The following ITPR3 variants were observed in gnomAD, a reference collection of about 807,000 sequenced individuals.
ITPR3 encodes inositol 1,4,5-trisphosphate-gated calcium channel ITPR3.
Under a neutral mutation model 293.2 loss-of-function variants are expected in ITPR3, and 173 were observed. The ratio of observed to expected loss-of-function variants is 0.59; its 90% CI spans 0.52 to 0.67. The LOEUF (loss-of-function observed/expected upper bound fraction) is 0.67. Among genes scored for constraint, ITPR3 ranks in the 30% least tolerant of loss-of-function variants. The pLI, the probability that ITPR3 is intolerant of heterozygous loss-of-function variation, is 0.00. For synonymous variants in ITPR3, 1,295 were observed against 1,444.4 expected (o/e 0.90, Z 2.35); for missense variants, 2,796 against 3,592.1 (o/e 0.78, Z 5.66).
chr6:33,682,737 A>G lies in ITPR3; in HGVS notation c.4597+93A>G. 1 of 1,452,490 alleles carries G rather than the reference A, an allele frequency of 6.9e-7. No homozygotes were observed. The highest frequency in any genetic ancestry group is 1.5e-5 in the African/African-American group (1 of 67,302). 90.0% of individuals were successfully genotyped at this position (1,452,490 alleles called of 1,614,324 possible). On this transcript the variant is annotated intron_variant, in intron 34 of 57. Coordinates refer to ENST00000605930, the MANE Select transcript of ITPR3 (RefSeq NM_002224.4). The surrounding 1 kb of genome is among the most constrained non-coding windows in gnomAD (Gnocchi z 5.4). The stretch of plus-strand genomic sequence containing the variant: ...CCTCCTAATAAACACTTTATCCCTA[A>G]GCTCGCCCATCTCCTGCTCCCAGGT...
chr6:33,689,257 C>T lies in ITPR3; in HGVS notation c.6714C>T (p.Leu2238=), dbSNP rs1241101856. Residue 2238 remains leucine (L), a synonymous_variant, in exon 50 of 58, where the codon CTC becomes CTT. Transcript: ENST00000605930. ...CCCCAGGCGTGCTGGACTCCCCTCT[C>T]ATCTCATTGCTCTTCTGGATCCTCA... ...GASTGVLDSP[L]ISLLFWILIC... 2.5e-6 allele frequency: 4 copies of T among 1,610,798 alleles called. No individual in the cohort carries two copies. The highest frequency in any genetic ancestry group is 2.2e-5 in the East Asian group (1 of 44,868).
In ITPR3 at chr6:33,683,369, A is replaced by AC. The variant is rs1765134347; in HGVS notation, c.4761dup (p.Tyr1588LeufsTer6). 7 of 1,589,718 alleles carry AC rather than the reference A, an allele frequency of 4.4e-6. No individual in the cohort carries two copies. Among genetic ancestry groups the AC allele is most frequent in the Non-Finnish European group, 6.0e-6 (7 of 1,167,286 alleles). ...GTCACCCCCACCGCCAACCAGTGGG[A>AC]CTACAAGAACATCATTGAGAAGCTG... On this transcript the variant is annotated frameshift_variant, in exon 35 of 58. Coordinates refer to ENST00000605930, the MANE Select transcript of ITPR3 (RefSeq NM_002224.4). LOFTEE classifies it high-confidence loss of function. The surrounding 1 kb of genome is among the most constrained non-coding windows in gnomAD (Gnocchi z 4.5).
intron 7 of ITPR3, 140 bp downstream of exon 7, chr6:33,659,689 C>T: frequency 1.5e-6 from 1 of 673,548 alleles, no homozygotes. Context: ...CCCTCCACCT[C>T]CACAGGGCCC....
chr6:33,630,274 C>T (rs960871800), intron 1 of ITPR3, among the ~76,000 whole-genome samples: 8 of 152,164 alleles, frequency 5.3e-5, no homozygotes, highest in Non-Finnish European at 1.0e-4. Context: ...TTTGTCAGGG[C>T]TGCCTTTGTT....
chr6:33,681,065 C>T (rs1765062838), intron 33 of ITPR3, among the ~76,000 whole-genome samples: 1 of 152,152 alleles, frequency 6.6e-6, no homozygotes, highest in South Asian at 2.1e-4. Flanking sequence ...ATGATCCGCC[C>T]ACCTCGGCTT....
chr6:33,694,842 T>TC (rs558443045), intron 56 of ITPR3, 82 bp from the exon 57 acceptor site: 1 of 1,546,922 alleles, frequency 6.5e-7, no homozygotes, highest in Non-Finnish European at 8.9e-7. Flanking sequence ...GGCAGAAGCC[T>TC]CCCCCCACAT....
intron 13 of ITPR3, 99 bp downstream of exon 13, chr6:33,665,312 G>T: frequency 6.8e-7 from 1 of 1,480,578 alleles, no homozygotes; most frequent in Non-Finnish European, 9.1e-7. Flanking sequence ...TGGGCAAACT[G>T]GGGAGAGAGT....
chr6:33,687,121 G>A lies in ITPR3; in HGVS notation c.6075+17G>A, dbSNP rs756177008. The stretch of plus-strand genomic sequence containing the variant: ...CAGGAGCTGGTGAGGCTGGGCAGGT[G>A]GGCAGGCGGGCGGAACCAGGTGGAG... On this transcript the variant is annotated intron_variant, in intron 44 of 57. Coordinates refer to ENST00000605930, the MANE Select transcript of ITPR3 (RefSeq NM_002224.4). The surrounding 1 kb of genome is among the most constrained non-coding windows in gnomAD (Gnocchi z 5.3). 8.1e-6 allele frequency: 13 copies of A among 1,612,304 alleles called. No homozygotes were observed. The highest frequency in any genetic ancestry group is 2.2e-5 in the East Asian group (1 of 44,864).
Position 33,691,749 on chromosome 6 carries a change from G to C in ITPR3, c.7330+30G>C. The C allele has an allele frequency of 1.9e-6, 3 of 1,611,500 alleles. No individual in the cohort carries two copies. Among genetic ancestry groups the C allele is most frequent in the Non-Finnish European group, 2.5e-6 (3 of 1,179,112 alleles). The stretch of plus-strand genomic sequence containing the variant: ...GGGTGGTGTGTGTGCAGGAGTCTGT[G>C]TGGGGTAGGAGGAGCAGGCAGCCCG... On this transcript the variant is annotated intron_variant, in intron 53 of 57. Coordinates refer to ENST00000605930, the MANE Select transcript of ITPR3 (RefSeq NM_002224.4). The surrounding 1 kb of genome is among the most constrained non-coding windows in gnomAD (Gnocchi z 4.9).
At chr6:33,636,285 G>C (rs1009158829) in intron 1 of ITPR3, among the ~76,000 whole-genome samples, 1 of 151,970 alleles carries the variant, frequency 6.6e-6, no homozygotes, top group Non-Finnish European at 1.5e-5. Flanking sequence ...CCGGGTGACA[G>C]AGTAAGACTC....
chr6:33,687,858 G>A lies in ITPR3; in HGVS notation c.6265-199G>A, dbSNP rs982113446. ...CTATCCTCTGGGATTCTCTGGTCATGGCTCTCCCACTCCCCTCCCTTTGGC... is the reference window on the plus strand; with the variant it reads ...CTATCCTCTGGGATTCTCTGGTCATAGCTCTCCCACTCCCCTCCCTTTGGC... On this transcript the variant is annotated intron_variant, in intron 46 of 57. Transcript: ENST00000605930. This position sits in a 1 kb window ranked among gnomAD's most constrained non-coding sequence, Gnocchi z 5.3. Among the ~76,000 whole-genome samples the A allele has an allele frequency of 6.6e-6, 1 of 152,102 alleles. No individual in the cohort carries two copies. Among genetic ancestry groups the A allele is most frequent in the African/African-American group, 2.4e-5 (1 of 41,424 alleles).
chr6:33,664,927 T>C lies in ITPR3; in HGVS notation c.1206T>C (p.Asn402=). The C allele has an allele frequency of 6.2e-7, 1 of 1,609,672 alleles. No individual in the cohort carries two copies. The highest frequency in any genetic ancestry group is 1.1e-5 in the South Asian group (1 of 90,896). ...CCAACACGTGGATTCAGAGCACCAA[T>C]GTGCCCATTGACATCGAGGAGGAGC... ...LCTNTWIQST[N]VPIDIEEERP... Residue 402 remains asparagine (N), a synonymous_variant, in exon 12 of 58, where the codon AAT becomes AAC. Coordinates refer to ENST00000605930, the MANE Select transcript of ITPR3 (RefSeq NM_002224.4). The surrounding 1 kb of genome is among the most constrained non-coding windows in gnomAD (Gnocchi z 4.4).
chr6:33,627,363 AC>A (rs2151275940), intron 1 of ITPR3, among the ~76,000 whole-genome samples: 1 of 152,364 alleles, frequency 6.6e-6, no homozygotes. Flanking sequence ...ATGAACATTT[AC>A]AAACAATATC....
chr6:33,686,302 A>C, intron 42 of ITPR3, 49 bp downstream of exon 42: 1 of 1,602,140 alleles, frequency 6.2e-7, no homozygotes, highest in South Asian at 1.1e-5. Flanking sequence ...CAGTGTGGAC[A>C]TGTGGGTAGA....
chr6:33,668,657 G>A (rs564787646), intron 17 of ITPR3, 23 bp downstream of exon 17: 45 of 1,613,756 alleles, frequency 2.8e-5, no homozygotes, highest in Non-Finnish European at 3.3e-5. Flanking sequence ...CCCCCTGCCC[G>A]CACTTGGGCT....
rs949469490 is a variant in ITPR3, at chr6:33,691,793, G to A, written c.7331-8G>A. ...CAGCCCGGGCCTCAGCACACTCTCC[G>A]CTTGCAGAGGACAGGGAGCTGGACA... On this transcript the variant is annotated splice_region_variant and splice_polypyrimidine_tract_variant and intron_variant, in intron 53 of 57. Coordinates refer to ENST00000605930, the MANE Select transcript of ITPR3 (RefSeq NM_002224.4). This position sits in a 1 kb window ranked among gnomAD's most constrained non-coding sequence, Gnocchi z 4.9. 1.3e-5 allele frequency: 21 copies of A among 1,613,890 alleles called. No individual in the cohort carries two copies. In the Admixed American group the frequency reaches 3.0e-4, roughly 23 times the overall value.
chr6:33,665,367 G>A (rs1212840504), intron 13 of ITPR3, among the ~76,000 whole-genome samples, 154 bp downstream of exon 13: 1 of 152,232 alleles, frequency 6.6e-6, no homozygotes, highest in African/African-American at 2.4e-5. Context: ...TGGGACCCTG[G>A]AGTTGGGTGC....
In ITPR3 at chr6:33,684,003, T is replaced by TG; in HGVS notation, c.4789-16dup. On this transcript the variant is annotated splice_polypyrimidine_tract_variant and intron_variant, in intron 35 of 57. Transcript: ENST00000605930. This position sits in a 1 kb window ranked among gnomAD's most constrained non-coding sequence, Gnocchi z 4.2. ...CATTTCTTGGGCCTGGCAATGACTCTGCCCTGCCCACCCCAGGACATCATC... is the reference window on the plus strand; with the variant it reads ...CATTTCTTGGGCCTGGCAATGACTCTGGCCCTGCCCACCCCAGGACATCATC... 1 of 1,583,828 alleles carries TG rather than the reference T, an allele frequency of 6.3e-7. No homozygotes were observed. Among genetic ancestry groups the TG allele is most frequent in the South Asian group, 1.1e-5 (1 of 88,480 alleles).
At position 33,692,592 on chromosome 6, in the gene ITPR3, C is replaced by T. The variant is rs1487800647; in HGVS notation, c.7459-136C>T. The T allele has an allele frequency of 3.8e-6, 3 of 789,738 alleles. No individual in the cohort carries two copies. Among genetic ancestry groups the T allele is most frequent in the South Asian group, 3.6e-5 (2 of 55,516 alleles). 48.9% of individuals were successfully genotyped at this position (789,738 alleles called of 1,614,324 possible). A position where few individuals can be genotyped will look rare whatever the true frequency, so the allele number is the denominator to read the frequency against. On this transcript the variant is annotated intron_variant, in intron 54 of 57. Transcript: ENST00000605930. This position sits in a 1 kb window ranked among gnomAD's most constrained non-coding sequence, Gnocchi z 4.2. ...GTCCACTCTGCCATCTGATGGCCCC[C>T]AGGCCAGAGGCCCTCATTTCCTTCT...
Sources: allele counts gnomAD v4.1 joint callset (sites outside exome capture counted in the v4.1 genomes callset), GRCh38; gene constraint gnomAD v4.1.1; non-coding constraint Gnocchi (gnomAD v3.1); transcripts MANE v1.5; gene names NCBI Gene and HGNC (gene_info 2026-07-23, HGNC 2026-07-21).